The following TMEM260 variants were observed in gnomAD, a reference collection of about 807,000 sequenced individuals.
TMEM260 encodes the protein protein O-mannosyl-transferase TMEM260.
A neutral mutation model predicts 88.9 loss-of-function variants in TMEM260; 82 were observed. The ratio of observed to expected loss-of-function variants is 0.92; its 90% CI spans 0.77 to 1.11. The LOEUF is 1.11. Ranked by LOEUF, TMEM260 falls within the 50% of genes least tolerant of loss-of-function variation. TMEM260 has a pLI of 0.00. For synonymous variants in TMEM260, 314 were observed against 309.3 expected, an observed-to-expected ratio of 1.02 and a Z score of -0.16; for missense variants, 902 against 853.4, an observed-to-expected ratio of 1.06 and a Z score of -0.71.
At chr14:56,617,524 A>G (rs1887663968) in intron 9 of TMEM260, among the ~76,000 whole-genome samples, 1 of 152,226 alleles carries the variant, frequency 6.6e-6, no homozygotes. Context: ...AGTAAATGTA[A>G]AGTAGATTTA....
At chr14:56,612,469 A>G in intron 7 of TMEM260, 184 bp downstream of exon 7, 2 of 601,086 alleles carry the variant, frequency 3.3e-6, no homozygotes, top group South Asian at 4.1e-5. Flanking sequence ...TATTGGTTAC[A>G]GGAACTCCTA....
chr14:56,642,154 G>T (rs61995029), intron 15 of TMEM260, among the ~76,000 whole-genome samples: 11 of 152,188 alleles, frequency 7.2e-5, no homozygotes, highest in African/African-American at 2.7e-4. Flanking sequence ...TGCACGAAGC[G>T]GACCTAATAG....
At chr14:56,610,652 TAAA>T (rs1309807177) in intron 6 of TMEM260, among the ~76,000 whole-genome samples, 1 of 152,280 alleles carries the variant, frequency 6.6e-6, no homozygotes, top group Non-Finnish European at 1.5e-5. Context: ...TGTTTCATAA[TAAA>T]AAAGTATTAA....
downstream of TMEM260, among the ~76,000 whole-genome samples, chr14:56,653,211 TAAA>T (rs1276769386): frequency 6.6e-6 from 1 of 150,958 alleles, no homozygotes; most frequent in Non-Finnish European, 1.5e-5. Flanking sequence ...TCAAAAAAAA[TAAA>T]AAATAAAAAA....
intron 4 of TMEM260, 55 bp downstream of exon 4, chr14:56,604,047 G>A: frequency 1.3e-6 from 2 of 1,486,908 alleles, no homozygotes; most frequent in Non-Finnish European, 1.8e-6. Context: ...TTAGACAGAT[G>A]TATTTCTTTT....
chr14:56,642,893 TAAAC>T (rs1566579478), intron 15 of TMEM260, among the ~76,000 whole-genome samples: 2 of 152,058 alleles, frequency 1.3e-5, no homozygotes, highest in African/African-American at 4.8e-5. Context: ...TCTATGCAAA[TAAAC>T]TAGAAACTAA....
chr14:56,638,129 T>C (rs1450939522), intron 15 of TMEM260: 1 of 146,696 alleles, frequency 6.8e-6, no homozygotes, highest in Admixed American at 6.8e-5. Flanking sequence ...GAGCAGTCCA[T>C]AAGAAGCAAG....
downstream of TMEM260, among the ~76,000 whole-genome samples, chr14:56,655,331 A>G (rs930150698): frequency 2.0e-5 from 3 of 151,476 alleles, no homozygotes; most frequent in African/African-American, 7.3e-5. Flanking sequence ...CGGAGGCTGC[A>G]GTGAGCTATC....
At chr14:56,655,264 C>G (rs1890279926), downstream of TMEM260, among the ~76,000 whole-genome samples, 1 of 151,966 alleles carries the variant, frequency 6.6e-6, no homozygotes, top group African/African-American at 2.4e-5. Context: ...GTGGCAGATG[C>G]CTGTAATCCC....
At chr14:56,615,773 A>T (rs1309636594) in intron 7 of TMEM260, 171 bp from the exon 8 acceptor site, 3 of 567,202 alleles carry the variant, frequency 5.3e-6, no homozygotes, top group Non-Finnish European at 9.5e-6. Context: ...GGAACTATTT[A>T]AGTCTTTCTA....
In TMEM260 at chr14:56,647,561, T is replaced by C; in HGVS notation, c.*64T>C. On this transcript the variant is annotated 3_prime_UTR_variant, in exon 16 of 16. Coordinates refer to ENST00000261556, the MANE Select transcript of TMEM260 (RefSeq NM_017799.4). Reference sequence around the variant, plus strand: ...CCAAAATTCTGAAGTCTGGAAGTTTTTCCTTCAAGAAAAGAAACTGCATAA... The same window carrying C: ...CCAAAATTCTGAAGTCTGGAAGTTTCTCCTTCAAGAAAAGAAACTGCATAA... 6.6e-7 allele frequency: 1 copy of C among 1,504,020 alleles called. No individual in the cohort carries two copies. 93.2% of individuals were successfully genotyped at this position (1,504,020 alleles called of 1,614,324 possible).
rs369345518 is a variant in TMEM260, at chr14:56,616,893, C to T, written c.942-290C>T. On this transcript the variant is annotated intron_variant, in intron 8 of 15. Coordinates refer to ENST00000261556, the MANE Select transcript of TMEM260 (RefSeq NM_017799.4). ...TATTATTTCAAGCATGAAAATGTTT[C>T]TATTTTGCCTGTATTTGATCACTTC... Among the ~76,000 whole-genome samples the T allele has an allele frequency of 2.9e-3, 445 of 152,188 alleles. 8 individuals are homozygous for T. The South Asian group carries it at 0.048, about 16-fold the overall frequency.
At position 56,618,678 on chromosome 14, in the gene TMEM260, C is replaced by T. The variant is rs758076398; in HGVS notation, c.1141C>T (p.Arg381Ter). The T allele has an allele frequency of 9.3e-6, 15 of 1,613,994 alleles. No homozygotes were observed. Among genetic ancestry groups the T allele is most frequent in the African/African-American group, 5.3e-5 (4 of 74,894 alleles). Residue 381 changes from arginine to a stop codon, truncating the protein, a stop_gained, in exon 10 of 16, where the codon CGA (arginine) becomes TGA (stop). Transcript: ENST00000261556. LOFTEE classifies it high-confidence loss of function. The part of the protein sequence containing the change: ...GLAAVVSETN[R>*]VLNSNGLQCL... Reference sequence around the variant, plus strand: ...GGCTGCAGTTGTGTCTGAGACTAACCGAGTGCTGAATAGCAATGGGCTTCA... The same window carrying T: ...GGCTGCAGTTGTGTCTGAGACTAACTGAGTGCTGAATAGCAATGGGCTTCA...
At chr14:56,652,276 G>A (rs748087065), downstream of TMEM260, among the ~76,000 whole-genome samples, 3 of 151,942 alleles carry the variant, frequency 2.0e-5, no homozygotes, top group Non-Finnish European at 2.9e-5. Context: ...CGGGTGGACC[G>A]CTTGAGTCCG....
chr14:56,636,389 A>C (rs182718257), intron 14 of TMEM260, 119 bp from the exon 15 acceptor site: 9 of 753,936 alleles, frequency 1.2e-5, no homozygotes, highest in Middle Eastern at 4.7e-4. Flanking sequence ...AGAATTGAAA[A>C]TAATACAATA....
intron 15 of TMEM260, among the ~76,000 whole-genome samples, chr14:56,637,531 G>A (rs192674105): frequency 2.8e-4 from 42 of 152,286 alleles, no homozygotes; most frequent in African/African-American, 4.6e-4. Context: ...TATGACTTAC[G>A]GCACTGGCCA....
At chr14:56,632,968 C>G (rs775804001) in intron 12 of TMEM260, 27 bp from the exon 13 acceptor site, 2 of 1,587,504 alleles carry the variant, frequency 1.3e-6, no homozygotes, top group Non-Finnish European at 1.7e-6. Flanking sequence ...ATTTTAAGTA[C>G]ATCATGTATT....
At chr14:56,623,885 A>T (rs1888080414) in intron 11 of TMEM260, among the ~76,000 whole-genome samples, 1 of 152,238 alleles carries the variant, frequency 6.6e-6, no homozygotes, top group Non-Finnish European at 1.5e-5. Flanking sequence ...TGATATCCGA[A>T]CATAACAAAG....
intron 6 of TMEM260, among the ~76,000 whole-genome samples, chr14:56,610,508 C>A (rs28379806): frequency 6.6e-6 from 1 of 152,026 alleles, no homozygotes; most frequent in African/African-American, 2.4e-5. Flanking sequence ...TCCCAAAGTG[C>A]GGGGATTACA....
Sources: gnomAD v4.1 joint callset for allele counts (sites outside exome capture counted in the v4.1 genomes callset) on GRCh38, gnomAD v4.1.1 for gene constraint, MANE v1.5 for transcripts, NCBI Gene and HGNC (gene_info 2026-07-23, HGNC 2026-07-21) for gene names.